KIF6: variants seen among roughly 807,000 people sequenced by gnomAD.
KIF6 encodes the protein kinesin-like protein KIF6.
In KIF6, 106 loss-of-function variants were observed where a neutral mutation model predicts 112.7. That is an observed-to-expected ratio of 0.94 (90% confidence interval 0.80 to 1.11). The LOEUF (loss-of-function observed/expected upper bound fraction) is 1.11. Among genes scored for constraint, KIF6 ranks in the 50% least tolerant of loss-of-function variants. The pLI is 0.00. For synonymous variants in KIF6, 339 were observed against 339.9 expected (o/e 1.00, Z 0.03); for missense variants, 929 against 964.0 (o/e 0.96, Z 0.48).
chr6:39,419,833 G>A, intron 15 of KIF6, 115 bp downstream of exon 15: 2 of 875,378 alleles, frequency 2.3e-6, no homozygotes, highest in East Asian at 2.4e-5. Flanking sequence ...CCTTGGCAGG[G>A]GCTCTCCTGA....
chr6:39,496,982 A>G (rs1328752116), intron 13 of KIF6, among the ~76,000 whole-genome samples: 4 of 152,242 alleles, frequency 2.6e-5, no homozygotes, highest in Non-Finnish European at 5.9e-5. Context: ...AAGATTCCAC[A>G]CTGATGCTTT....
chr6:39,548,040 C>T (rs1488609510), intron 10 of KIF6, among the ~76,000 whole-genome samples: 2 of 152,176 alleles, frequency 1.3e-5, no homozygotes, highest in Admixed American at 6.5e-5. Context: ...AATATACACT[C>T]GTTTTCTGGA....
In KIF6 at chr6:39,491,196, A is replaced by G. The variant is rs115505070; in HGVS notation, c.1645+48807T>C. Reference sequence around the variant, plus strand: ...TGTGGCTCCTGTCTTGTTAGCTGGAATACTAACTCTCTTGAAGCCTTTAGT... The same window carrying G: ...TGTGGCTCCTGTCTTGTTAGCTGGAGTACTAACTCTCTTGAAGCCTTTAGT... On this transcript the variant is annotated intron_variant, in intron 13 of 22. Transcript: ENST00000287152. 9.7e-3 allele frequency among the ~76,000 whole-genome samples: 1,479 copies of G among 152,230 alleles called. 15 individuals are homozygous for G. Among genetic ancestry groups the G allele is most frequent in the Admixed American group, 0.018 (271 of 15,260 alleles).
chr6:39,632,131 T>G lies in KIF6; in HGVS notation c.509+2718A>C, dbSNP rs1397593184. ...TATACAAAATCCACAGACAGTTTTATAGGCAAAAGTTCTGCAAGAGCAGGC... is the reference window on the plus strand; with the variant it reads ...TATACAAAATCCACAGACAGTTTTAGAGGCAAAAGTTCTGCAAGAGCAGGC... On this transcript the variant is annotated intron_variant, in intron 5 of 22. Coordinates refer to ENST00000287152, the MANE Select transcript of KIF6 (RefSeq NM_145027.6). Among the ~76,000 whole-genome samples the G allele has an allele frequency of 3.3e-5, 5 of 152,032 alleles. No individual in the cohort carries two copies. In the East Asian group the frequency reaches 7.7e-4, roughly 23 times the overall value.
intron 13 of KIF6, among the ~76,000 whole-genome samples, chr6:39,441,179 C>G (rs186457683): frequency 6.6e-6 from 1 of 152,284 alleles, no homozygotes; most frequent in African/African-American, 2.4e-5. Context: ...GAAGACATCG[C>G]TGATCAATCT....
At chr6:39,715,351 C>T (rs1789773939) in intron 2 of KIF6, among the ~76,000 whole-genome samples, 1 of 151,922 alleles carries the variant, frequency 6.6e-6, no homozygotes, top group Non-Finnish European at 1.5e-5. Flanking sequence ...TAGACCTGTC[C>T]CACAGAGAGA....
At chr6:39,346,130 T>TCCCCC (rs1308753864) in intron 20 of KIF6, among the ~76,000 whole-genome samples, 1 of 79,012 alleles carries the variant, frequency 1.3e-5, no homozygotes, top group African/African-American at 7.4e-5. Context: ...TCCCTCCCTC[T>TCCCCC]CCCTCTCTCT....
chr6:39,382,484 G>T (rs947577075), intron 16 of KIF6, among the ~76,000 whole-genome samples: 1 of 152,028 alleles, frequency 6.6e-6, no homozygotes, highest in East Asian at 1.9e-4. Context: ...TCATGTTGCC[G>T]CAAAGGATGT....
chr6:39,355,588 C>A (rs189689403), intron 19 of KIF6, among the ~76,000 whole-genome samples: 1 of 151,412 alleles, frequency 6.6e-6, no homozygotes, highest in African/African-American at 2.4e-5. Context: ...CTCAGCCTCC[C>A]GAGTGGCTGA....
intron 13 of KIF6, among the ~76,000 whole-genome samples, chr6:39,535,951 T>C (rs549255087): frequency 6.6e-6 from 1 of 152,122 alleles, no homozygotes; most frequent in Admixed American, 6.6e-5. Context: ...AACAATCTGC[T>C]CCTGAATGAC....
chr6:39,353,897 A>T, intron 19 of KIF6: 1 of 564,716 alleles, frequency 1.8e-6, no homozygotes, highest in Non-Finnish European at 3.2e-6. Context: ...CCTACTGCTA[A>T]GTGGAGCTAA....
At chr6:39,616,345 T>C (rs1421978987) in intron 5 of KIF6, among the ~76,000 whole-genome samples, 1 of 152,222 alleles carries the variant, frequency 6.6e-6, no homozygotes, top group Non-Finnish European at 1.5e-5. Flanking sequence ...CGTTTCTTCA[T>C]AGAACTCTCG....
At chr6:39,500,569 A>C (rs1776067415) in intron 13 of KIF6, among the ~76,000 whole-genome samples, 1 of 152,198 alleles carries the variant, frequency 6.6e-6, no homozygotes, top group African/African-American at 2.4e-5. Flanking sequence ...CTAATGTTAC[A>C]ATCTGAGGCA....
At chr6:39,515,432 T>C (rs997696118) in intron 13 of KIF6, among the ~76,000 whole-genome samples, 1 of 152,230 alleles carries the variant, frequency 6.6e-6, no homozygotes, top group Admixed American at 6.5e-5. Context: ...CAATCATCTT[T>C]GCGTGCTGTT....
At chr6:39,599,767 T>A (rs566029203) in intron 6 of KIF6, among the ~76,000 whole-genome samples, 6 of 152,166 alleles carry the variant, frequency 3.9e-5, no homozygotes, top group African/African-American at 1.2e-4. Context: ...ACAAATAACA[T>A]GGAGACTTCT....
At chr6:39,687,506 T>A (rs1175949327) in intron 3 of KIF6, among the ~76,000 whole-genome samples, 2 of 152,218 alleles carry the variant, frequency 1.3e-5, no homozygotes, top group Non-Finnish European at 2.9e-5. Context: ...AAGAGTATCA[T>A]TCTTTCATTC....
At chr6:39,634,668 C>T (rs574966595) in intron 5 of KIF6, among the ~76,000 whole-genome samples, 181 bp downstream of exon 5, 21 of 152,070 alleles carry the variant, frequency 1.4e-4, no homozygotes, top group Non-Finnish European at 1.9e-4. Flanking sequence ...AATTTTAGTT[C>T]CCATCACTAC....
chr6:39,529,511 G>A (rs1777922237), intron 13 of KIF6, among the ~76,000 whole-genome samples: 1 of 152,168 alleles, frequency 6.6e-6, no homozygotes, highest in African/African-American at 2.4e-5. Context: ...ACCTGGCCAG[G>A]CGCAGTGGCT....
rs1204434510 is a variant in KIF6 at position 39,378,887 on chromosome 6, T to C, written c.1861+6735A>G. On this transcript the variant is annotated intron_variant, in intron 16 of 22. Coordinates refer to ENST00000287152, the MANE Select transcript of KIF6 (RefSeq NM_145027.6). This position sits in a 1 kb window ranked among gnomAD's most constrained non-coding sequence, Gnocchi z 5.0. Reference sequence around the variant, plus strand: ...TCTGTGTGGCCATCAGAAAGCTGAGTACCCGGATCCTATTATCTTGGCCGC... The same window carrying C: ...TCTGTGTGGCCATCAGAAAGCTGAGCACCCGGATCCTATTATCTTGGCCGC... Among the ~76,000 whole-genome samples the C allele has an allele frequency of 1.3e-5, 2 of 152,334 alleles. No homozygotes were observed. Among genetic ancestry groups the C allele is most frequent in the East Asian group, 3.9e-4 (2 of 5,194 alleles).
Sources: gnomAD v4.1 joint callset for allele counts (sites outside exome capture counted in the v4.1 genomes callset) on GRCh38, gnomAD v4.1.1 for gene constraint, Gnocchi (gnomAD v3.1) non-coding constraint, MANE v1.5 for transcripts, NCBI Gene and HGNC (gene_info 2026-07-23, HGNC 2026-07-21) for gene names.